Variants in ENPP6 observed in about 807,000 individuals in gnomAD.
ENPP6 encodes the protein ectonucleotide pyrophosphatase/phosphodiesterase 6, also known as glycerophosphocholine cholinephosphodiesterase ENPP6.
A neutral mutation model predicts 42.0 loss-of-function variants in ENPP6; 32 were observed. The observed-to-expected ratio is 0.76, with a 90% CI of 0.58 to 1.02. The LOEUF (loss-of-function observed/expected upper bound fraction) is 1.02. Among genes scored for constraint, ENPP6 ranks in the 50% least tolerant of loss-of-function variants. The pLI is 0.00. For synonymous variants in ENPP6, 213 were observed against 216.0 expected (o/e 0.99, Z 0.12); for missense variants, 552 against 566.8 (o/e 0.97, Z 0.27).
chr4:184,159,547 T>C (rs1737228919), intron 1 of ENPP6, among the ~76,000 whole-genome samples: 1 of 152,252 alleles, frequency 6.6e-6, no homozygotes, highest in African/African-American at 2.4e-5. Flanking sequence ...TAGTTTATGC[T>C]ACAGTAGCTA....
In ENPP6 at chr4:184,206,315, T is replaced by G. The variant is rs189762593; in HGVS notation, c.241+11264A>C. On this transcript the variant is annotated intron_variant, in intron 1 of 7. Transcript: ENST00000296741. The stretch of plus-strand genomic sequence containing the variant: ...CTCTGTCGCCCAGGCTGGAGTGCAG[T>G]GGCGCGATCTCGGCTCACTGCAAGC... Among the ~76,000 whole-genome samples, 51 of 117,620 alleles carry G rather than the reference T, an allele frequency of 4.3e-4. 1 individual carries two copies. Among genetic ancestry groups the G allele is most frequent in the African/African-American group, 1.2e-3 (36 of 30,492 alleles). The allele number at this position is 117,620 out of a possible 152,430, so 77.2% of individuals were successfully genotyped here.
At chr4:184,201,160 C>T (rs1194378356) in intron 1 of ENPP6, among the ~76,000 whole-genome samples, 1 of 152,142 alleles carries the variant, frequency 6.6e-6, no homozygotes, top group East Asian at 1.9e-4. Context: ...GCCTGGTTAT[C>T]GTGTGGACAC....
chr4:184,117,166 C>T (rs544579749), intron 4 of ENPP6, 131 bp from the exon 5 acceptor site: 8 of 1,153,374 alleles, frequency 6.9e-6, no homozygotes, highest in South Asian at 1.5e-5. Flanking sequence ...TACTATTTTG[C>T]CCTGGTGAGA....
intron 5 of ENPP6, among the ~76,000 whole-genome samples, chr4:184,113,909 T>TTCTTTC (rs1553995024): frequency 2.1e-4 from 26 of 122,466 alleles, no homozygotes; most frequent in African/African-American, 8.0e-4. Flanking sequence ...TTTTCTTTCT[T>TTCTTTC]TCTTTCTTTC....
intron 1 of ENPP6, among the ~76,000 whole-genome samples, chr4:184,180,394 G>A (rs966008365): frequency 1.3e-5 from 2 of 152,060 alleles, no homozygotes; most frequent in African/African-American, 4.8e-5. Flanking sequence ...AAAAGCCCAG[G>A]ACCAGACAGA....
intron 5 of ENPP6, among the ~76,000 whole-genome samples, chr4:184,115,584 T>C (rs537610316): frequency 5.3e-5 from 8 of 152,220 alleles, no homozygotes; most frequent in African/African-American, 1.2e-4. Context: ...CACCGACACA[T>C]ACATTGTCCT....
intron 1 of ENPP6, among the ~76,000 whole-genome samples, chr4:184,194,513 T>C (rs1732763727): frequency 6.6e-6 from 1 of 152,188 alleles, no homozygotes; most frequent in Non-Finnish European, 1.5e-5. Flanking sequence ...TGTGAGATCC[T>C]TCATCCACAA....
intron 1 of ENPP6, among the ~76,000 whole-genome samples, chr4:184,158,079 A>G (rs932214767): frequency 6.6e-6 from 1 of 152,110 alleles, no homozygotes; most frequent in African/African-American, 2.4e-5. Context: ...TATTTATTAG[A>G]TAATGTTTGC....
chr4:184,112,891 C>T, intron 5 of ENPP6, 82 bp from the exon 6 acceptor site: 1 of 1,398,986 alleles, frequency 7.1e-7, no homozygotes, highest in Middle Eastern at 1.9e-4. Flanking sequence ...GAGAGGAGAA[C>T]TTACGTATAA....
At chr4:184,162,340 A>T (rs879448196) in intron 1 of ENPP6, among the ~76,000 whole-genome samples, 1 of 152,164 alleles carries the variant, frequency 6.6e-6, no homozygotes, top group African/African-American at 2.4e-5. Context: ...ATGCATGACT[A>T]TTGTTGGATA....
rs78138516 is a variant in ENPP6 at position 184,125,284 on chromosome 4, G to A, written c.422-1012C>T. ...CAGTTTTGTAGATTTAGCCACGGCA[G>A]TGGGATGCAGGTGGGCTGGGAGGAA... On this transcript the variant is annotated intron_variant, in intron 2 of 7. Coordinates refer to ENST00000296741, the MANE Select transcript of ENPP6 (RefSeq NM_153343.4). 5.3e-3 allele frequency among the ~76,000 whole-genome samples: 801 copies of A among 152,334 alleles called. 9 individuals are homozygous for A. Among genetic ancestry groups the A allele is most frequent in the South Asian group, 0.038 (182 of 4,826 alleles).
chr4:184,193,866 C>T (rs1034534470), intron 1 of ENPP6, among the ~76,000 whole-genome samples: 3 of 152,160 alleles, frequency 2.0e-5, no homozygotes, highest in African/African-American at 4.8e-5. Flanking sequence ...GGTACAAATC[C>T]CCTAACCTAA....
chr4:184,188,434 C>T (rs1732668232), intron 1 of ENPP6, among the ~76,000 whole-genome samples: 1 of 152,070 alleles, frequency 6.6e-6, no homozygotes, highest in Non-Finnish European at 1.5e-5. Context: ...CACCCCCATC[C>T]CCCCAAATTG....
At chr4:184,195,505 C>T (rs114424366) in intron 1 of ENPP6, among the ~76,000 whole-genome samples, 1,687 of 152,328 alleles carry the variant, frequency 0.011, 40 homozygotes, top group African/African-American at 0.039. Flanking sequence ...TACATTCACA[C>T]TGCTGTATAA....
chr4:184,164,372 T>C (rs1052410087), intron 1 of ENPP6, among the ~76,000 whole-genome samples: 1 of 152,318 alleles, frequency 6.6e-6, no homozygotes, highest in Admixed American at 6.5e-5. Flanking sequence ...TACCTCAGCA[T>C]GTGACCCTGT....
In ENPP6 at chr4:184,091,024, A is replaced by G; in HGVS notation, c.*153T>C. 1 of 671,292 alleles carries G rather than the reference A, an allele frequency of 1.5e-6. No homozygotes were observed. The highest frequency in any genetic ancestry group is 2.2e-6 in the Non-Finnish European group (1 of 456,830). The allele number at this position is 671,292 out of a possible 1,614,324, so 41.6% of individuals were successfully genotyped here. ...TCTTTTTTAACAAGTAGGAACTTTT[A>G]TGTATAGAATTATCCAAGAATAATG... On this transcript the variant is annotated 3_prime_UTR_variant, in exon 8 of 8. Transcript: ENST00000296741.
chr4:184,097,651 G>C (rs1409537629), intron 6 of ENPP6, among the ~76,000 whole-genome samples: 1 of 152,214 alleles, frequency 6.6e-6, no homozygotes, highest in Non-Finnish European at 1.5e-5. Flanking sequence ...TAGTAAGTTA[G>C]TGGCAGAAGG....
intron 6 of ENPP6, among the ~76,000 whole-genome samples, chr4:184,105,030 G>A (rs1441766212): frequency 1.3e-5 from 2 of 152,230 alleles, no homozygotes; most frequent in South Asian, 2.1e-4. Context: ...GGCACAGAGA[G>A]GGCATTCCAG....
chr4:184,191,421 A>C (rs554566463), intron 1 of ENPP6, among the ~76,000 whole-genome samples: 2 of 152,184 alleles, frequency 1.3e-5, no homozygotes, highest in Non-Finnish European at 2.9e-5. Context: ...TGCTTGACTG[A>C]ATCCGGCTAC....
Sources: allele counts gnomAD v4.1 joint callset (sites outside exome capture counted in the v4.1 genomes callset), GRCh38; gene constraint gnomAD v4.1.1; transcripts MANE v1.5; gene names NCBI Gene and HGNC (gene_info 2026-07-23, HGNC 2026-07-21).